CBFA2T3: variants seen among roughly 807,000 people sequenced by gnomAD.
CBFA2T3 encodes the protein CBFA2/RUNX1 partner transcriptional co-repressor 3.
A neutral mutation model predicts 58.6 loss-of-function variants in CBFA2T3; 31 were observed. The observed-to-expected ratio is 0.53, with a 90% CI of 0.40 to 0.71. The LOEUF (loss-of-function observed/expected upper bound fraction) is 0.71. CBFA2T3 is among the 30% of genes least tolerant of loss of function. The pLI, the probability that CBFA2T3 is intolerant of heterozygous loss-of-function variation, is 0.00. For missense variants in CBFA2T3, 1,076 were observed against 963.1 expected (o/e 1.12, Z -1.55); for synonymous variants, 531 against 421.9 (o/e 1.26, Z -3.17).
chr16:88,921,821 C>A (rs995989174), intron 1 of CBFA2T3, among the ~76,000 whole-genome samples: 79 of 152,364 alleles, frequency 5.2e-4, no homozygotes, highest in African/African-American at 1.9e-3. Context: ...GGACGCCCCC[C>A]ATATGCGCCA....
At chr16:88,922,922 T>C (rs1180462342) in intron 1 of CBFA2T3, among the ~76,000 whole-genome samples, 1 of 152,150 alleles carries the variant, frequency 6.6e-6, no homozygotes, top group Non-Finnish European at 1.5e-5. Context: ...CTTCCCACCG[T>C]ACAGATGGGG....
In CBFA2T3 at chr16:88,882,855, G is replaced by A. The variant is rs928386715; in HGVS notation, c.1118-94C>T. ...CGCCCTCTGCTCCCAGGCCCCACCC[G>A]TGGGCTGTGCCCGCTGGGGACGATG... On this transcript the variant is annotated intron_variant, in intron 7 of 11. Transcript: ENST00000268679. 5.7e-5 allele frequency: 49 copies of A among 864,898 alleles called. 1 individual carries two copies. Among genetic ancestry groups the A allele is most frequent in the African/African-American group, 1.5e-4 (9 of 60,306 alleles). The allele number at this position is 864,898 out of a possible 1,614,324, so 53.6% of individuals were successfully genotyped here.
intron 5 of CBFA2T3, among the ~76,000 whole-genome samples, chr16:88,889,280 G>A (rs887461002): frequency 4.1e-5 from 6 of 147,978 alleles, no homozygotes; most frequent in African/African-American, 1.5e-4. Flanking sequence ...AGGGGGCGGA[G>A]GAAGGCGGGA....
At chr16:88,913,291 C>A (rs764893703) in intron 1 of CBFA2T3, among the ~76,000 whole-genome samples, 3 of 152,218 alleles carry the variant, frequency 2.0e-5, no homozygotes, top group South Asian at 2.1e-4. Flanking sequence ...CTGGACTGAC[C>A]GTGGCTGACC....
intron 1 of CBFA2T3, among the ~76,000 whole-genome samples, chr16:88,948,248 T>C (rs1285839407): frequency 6.6e-6 from 1 of 152,176 alleles, no homozygotes; most frequent in East Asian, 1.9e-4. Context: ...CTGTCCCCCC[T>C]CAATTCTGTT....
chr16:88,975,687 T>C (rs1251008918), intron 1 of CBFA2T3, among the ~76,000 whole-genome samples: 1 of 152,112 alleles, frequency 6.6e-6, no homozygotes, highest in Non-Finnish European at 1.5e-5. Flanking sequence ...GCACCCGGGG[T>C]TGGGAAGTTC....
rs200760802 is a variant in CBFA2T3, at chr16:88,877,134, C to T, written c.1804G>A (p.Val602Met). Residue 602 changes from valine to methionine, a missense_variant, in exon 12 of 12, where the codon GTG (valine) becomes ATG (methionine). Physicochemically the swap from Val to Met is conservative, Grantham distance 21. Transcript: ENST00000268679. ...CGQSLQGPTA[V>M]VADPVPGPPE... ...GGTCCAGGCACCGGGTCGGCCACCACGGCTGTGGGGCCCTGCAGGCTCTGG... is the reference window on the plus strand; with the variant it reads ...GGTCCAGGCACCGGGTCGGCCACCATGGCTGTGGGGCCCTGCAGGCTCTGG... The T allele has an allele frequency of 6.3e-3, 9,799 of 1,549,602 alleles. 42 individuals are homozygous for T. The highest frequency in any genetic ancestry group is 8.0e-3 in the Non-Finnish European group (9,160 of 1,147,138).
chr16:88,915,288 T>G (rs1339882546), intron 1 of CBFA2T3, among the ~76,000 whole-genome samples: 2 of 121,422 alleles, frequency 1.6e-5, no homozygotes, highest in Non-Finnish European at 1.7e-5. Context: ...GGGAAACTGG[T>G]GGGTGGTGGC....
At chr16:88,948,016 A>T (rs1278045049) in intron 1 of CBFA2T3, among the ~76,000 whole-genome samples, 2 of 152,234 alleles carry the variant, frequency 1.3e-5, no homozygotes, top group African/African-American at 2.4e-5. Context: ...ATGCATGAAT[A>T]ATACTGCCAG....
intron 2 of CBFA2T3, among the ~76,000 whole-genome samples, chr16:88,899,032 T>C (rs1970000242): frequency 6.6e-6 from 1 of 151,920 alleles, no homozygotes; most frequent in South Asian, 2.1e-4. Flanking sequence ...AGGAGCTTGG[T>C]CTGGGTCCCT....
At chr16:88,892,092 C>T in intron 4 of CBFA2T3, 121 bp from the exon 5 acceptor site, 1 of 1,357,964 alleles carries the variant, frequency 7.4e-7, no homozygotes, top group Non-Finnish European at 1.0e-6. Flanking sequence ...AGGAGCTGGG[C>T]ACGGCCTGAG....
intron 1 of CBFA2T3, among the ~76,000 whole-genome samples, chr16:88,959,149 C>T (rs1490265686): frequency 6.6e-6 from 1 of 152,228 alleles, no homozygotes; most frequent in African/African-American, 2.4e-5. Context: ...CGTGTGCCCC[C>T]GTCCTTACTG....
intron 1 of CBFA2T3, among the ~76,000 whole-genome samples, chr16:88,914,331 A>G (rs1052937359): frequency 3.9e-5 from 6 of 152,248 alleles, no homozygotes; most frequent in Admixed American, 3.9e-4. Context: ...AACGTTTGTC[A>G]GGCCCATAGC....
rs570445962 is a variant in CBFA2T3 at position 88,876,629 on chromosome 16, C to G, written c.*347G>C. On this transcript the variant is annotated 3_prime_UTR_variant, in exon 12 of 12. Transcript: ENST00000268679. ...GAGAAGACAGAGGGGGAGAGACAGA[C>G]AGAGAGGAAAAGAGAGGTGGGCAGA... The G allele has an allele frequency of 3.4e-4, 105 of 305,164 alleles. No individual in the cohort carries two copies. The highest frequency in any genetic ancestry group is 5.0e-4 in the Non-Finnish European group (83 of 166,290). 18.9% of individuals were successfully genotyped at this position (305,164 alleles called of 1,614,324 possible). A position where few individuals can be genotyped will look rare whatever the true frequency, so the allele number is the denominator to read the frequency against.
chr16:88,905,700 GGGGCGGGGCT>G (rs1970291556), intron 1 of CBFA2T3, among the ~76,000 whole-genome samples: 1 of 138,294 alleles, frequency 7.2e-6, no homozygotes, highest in African/African-American at 2.9e-5. Context: ...GGCTGAAGGA[GGGGCGGGGCT>G]GGAGGGGCGG....
chr16:88,924,256 T>C (rs893044795), intron 1 of CBFA2T3, among the ~76,000 whole-genome samples: 2 of 152,200 alleles, frequency 1.3e-5, no homozygotes, highest in Non-Finnish European at 2.9e-5. Flanking sequence ...TTCCTTGCTA[T>C]TCCCTGGGAG....
At position 88,958,852 on chromosome 16, in the gene CBFA2T3, C is replaced by T. The variant is rs979482517; in HGVS notation, c.151+17805G>A. 1.3e-5 allele frequency among the ~76,000 whole-genome samples: 2 copies of T among 152,148 alleles called. No homozygotes were observed. The highest frequency in any genetic ancestry group is 2.9e-5 in the Non-Finnish European group (2 of 68,004). On this transcript the variant is annotated intron_variant, in intron 1 of 11. Transcript: ENST00000268679. The surrounding 1 kb of genome is among the most constrained non-coding windows in gnomAD (Gnocchi z 4.0). ...AGCTCTCACACCACAGGCCTGGCTC[C>T]CTAGGGGTATGGTCAGAGTGGGACC...
chr16:88,875,526 T>C lies in CBFA2T3; in HGVS notation c.*1450A>G. The C allele has an allele frequency of 4.3e-6, 1 of 233,578 alleles. No homozygotes were observed. Among genetic ancestry groups the C allele is most frequent in the East Asian group, 6.0e-5 (1 of 16,584 alleles). The allele number at this position is 233,578 out of a possible 1,614,324, so 14.5% of individuals were successfully genotyped here. On this transcript the variant is annotated 3_prime_UTR_variant, in exon 12 of 12. Coordinates refer to ENST00000268679, the MANE Select transcript of CBFA2T3 (RefSeq NM_005187.6). ...TTGTTTGTAGTTTTTTTGTTTTTTC[T>C]GCAAAAGTTTGGAAGAAAGGGGAGT...
rs564104196 is a variant in CBFA2T3 at position 88,920,047 on chromosome 16, C to CT, written c.152-18392dup. On this transcript the variant is annotated intron_variant, in intron 1 of 11. Transcript: ENST00000268679. ...GCACTCTGCTCAAGGATTCAACCCGCTCCCTGGGGTGGGCGTTCCTGCCTC... is the reference window on the plus strand; with the variant it reads ...GCACTCTGCTCAAGGATTCAACCCGCTTCCCTGGGGTGGGCGTTCCTGCCTC... 1.4e-4 allele frequency among the ~76,000 whole-genome samples: 21 copies of CT among 152,372 alleles called. No homozygotes were observed. In the East Asian group the frequency reaches 3.7e-3, roughly 27 times the overall value.
Sources: gnomAD v4.1 joint callset for allele counts (sites outside exome capture counted in the v4.1 genomes callset) on GRCh38, gnomAD v4.1.1 for gene constraint, Gnocchi (gnomAD v3.1) non-coding constraint, MANE v1.5 for transcripts, NCBI Gene and HGNC (gene_info 2026-07-23, HGNC 2026-07-21) for gene names.